The following TENM4 variants were observed in gnomAD, a reference collection of about 807,000 sequenced individuals.
The protein encoded by TENM4 is teneurin transmembrane protein 4, also known as teneurin-4.
Under a neutral mutation model 243.3 loss-of-function variants are expected in TENM4, and 82 were observed. The observed-to-expected ratio is 0.34, with a 90% CI of 0.28 to 0.40. The LOEUF (loss-of-function observed/expected upper bound fraction) is 0.40. Ranked by LOEUF, TENM4 falls within the 10% of genes least tolerant of loss-of-function variation. TENM4 has a pLI of 1.00. For missense variants in TENM4, 3,138 were observed against 3,673.3 expected (o/e 0.85, Z 3.77); for synonymous variants, 1,412 against 1,456.3 (o/e 0.97, Z 0.69).
intron 1 of TENM4, among the ~76,000 whole-genome samples, chr11:79,332,586 A>G (rs547872341): frequency 1.3e-5 from 2 of 152,014 alleles, no homozygotes; most frequent in South Asian, 4.2e-4. Context: ...GCTCTTTGCA[A>G]CCTCACAGTT....
intron 1 of TENM4, among the ~76,000 whole-genome samples, chr11:79,383,210 C>T (rs1029308359): frequency 9.9e-5 from 15 of 152,198 alleles, no homozygotes; most frequent in African/African-American, 3.6e-4. Context: ...AGAGCCTTGC[C>T]TCCGCCTTGC....
At chr11:79,138,075 T>A (rs2137182536) in intron 4 of TENM4, among the ~76,000 whole-genome samples, 1 of 151,730 alleles carries the variant, frequency 6.6e-6, no homozygotes, top group South Asian at 2.1e-4. Context: ...GTGGGCACAA[T>A]CTAATCAGTT....
At chr11:78,750,943 G>C (rs1332475642) in intron 19 of TENM4, among the ~76,000 whole-genome samples, 1 of 151,972 alleles carries the variant, frequency 6.6e-6, no homozygotes, top group African/African-American at 2.4e-5. Flanking sequence ...GCAATGGAGT[G>C]ATCTCTGCTC....
intron 6 of TENM4, among the ~76,000 whole-genome samples, chr11:78,928,637 CTT>C (rs1403487913): frequency 6.6e-6 from 1 of 152,220 alleles, no homozygotes; most frequent in Non-Finnish European, 1.5e-5. Context: ...AGCTGTGTGA[CTT>C]TGTACATATT....
Position 79,084,411 on chromosome 11 carries a change from C to T in TENM4, c.-65-14402G>A, listed in dbSNP as rs76408838. On this transcript the variant is annotated intron_variant, in intron 4 of 33. Coordinates refer to ENST00000278550, the MANE Select transcript of TENM4 (RefSeq NM_001098816.3). ...AAAAGCTTATGTTCATGCAAAAAGC[C>T]GTACAATGATGTTCATAAAAGCTTT... 1.6e-3 allele frequency among the ~76,000 whole-genome samples: 241 copies of T among 152,218 alleles called. 1 individual carries two copies. The highest frequency in any genetic ancestry group is 4.4e-3 in the African/African-American group (183 of 41,532).
intron 6 of TENM4, among the ~76,000 whole-genome samples, chr11:78,926,361 C>G (rs1217409693): frequency 6.6e-6 from 1 of 150,550 alleles, no homozygotes; most frequent in Non-Finnish European, 1.5e-5. Flanking sequence ...ACTGTCTCTG[C>G]CTCCCGGGTT....
intron 15 of TENM4, among the ~76,000 whole-genome samples, chr11:78,800,940 A>C (rs770588474): frequency 6.6e-5 from 10 of 152,134 alleles, no homozygotes; most frequent in Non-Finnish European, 1.0e-4. Context: ...TGGAAATGGT[A>C]ATACTAGTAA....
At chr11:78,896,267 T>G (rs933715794) in intron 7 of TENM4, among the ~76,000 whole-genome samples, 1 of 152,066 alleles carries the variant, frequency 6.6e-6, no homozygotes, top group African/African-American at 2.4e-5. Context: ...CACCCCATAT[T>G]CTGTAGCTGA....
intron 7 of TENM4, among the ~76,000 whole-genome samples, chr11:78,896,690 T>G (rs1481506717): frequency 6.6e-6 from 1 of 152,014 alleles, no homozygotes; most frequent in Non-Finnish European, 1.5e-5. Flanking sequence ...CCCTGCAAAC[T>G]CCTACCAATT....
intron 1 of TENM4, among the ~76,000 whole-genome samples, chr11:79,301,012 G>T (rs893397270): frequency 6.6e-6 from 1 of 152,004 alleles, no homozygotes; most frequent in African/African-American, 2.4e-5. Context: ...ACCTTGATTT[G>T]GCTCCTTTCC....
At chr11:79,192,100 G>T (rs1244921351) in intron 3 of TENM4, among the ~76,000 whole-genome samples, 1 of 149,830 alleles carries the variant, frequency 6.7e-6, no homozygotes, top group African/African-American at 2.5e-5. Flanking sequence ...GTGGGGGGGG[G>T]TCAGCCCCCC....
intron 4 of TENM4, among the ~76,000 whole-genome samples, chr11:79,110,155 C>A (rs1861471513): frequency 6.6e-6 from 1 of 152,214 alleles, no homozygotes; most frequent in African/African-American, 2.4e-5. Context: ...CTTTGTGCAA[C>A]TCCATCATCA....
intron 4 of TENM4, among the ~76,000 whole-genome samples, chr11:79,138,152 C>T (rs1312261779): frequency 6.6e-6 from 1 of 150,666 alleles, no homozygotes; most frequent in Non-Finnish European, 1.5e-5. Context: ...GTCTCCCAGC[C>T]TACATCTTTC....
At position 78,653,698 on chromosome 11, in the gene TENM4, T is replaced by C. The variant is rs1857824790; in HGVS notation, c.*4360A>G. 6.6e-6 allele frequency: 1 copy of C among 152,268 alleles called. No individual in the cohort carries two copies. Among genetic ancestry groups the C allele is most frequent in the Non-Finnish European group, 1.5e-5 (1 of 68,060 alleles). 9.4% of individuals were successfully genotyped at this position (152,268 alleles called of 1,614,324 possible). A position where few individuals can be genotyped will look rare whatever the true frequency, so the allele number is the denominator to read the frequency against. Reference sequence around the variant, plus strand: ...CTCCTGCCAGGACGGCCGAGCGTGCTCCAGACTAGTCCTCCCTTGGCTGTT... The same window carrying C: ...CTCCTGCCAGGACGGCCGAGCGTGCCCCAGACTAGTCCTCCCTTGGCTGTT... On this transcript the variant is annotated 3_prime_UTR_variant, in exon 34 of 34. Transcript: ENST00000278550.
At chr11:79,373,108 AG>A (rs1196888959) in intron 1 of TENM4, among the ~76,000 whole-genome samples, 1 of 152,224 alleles carries the variant, frequency 6.6e-6, no homozygotes, top group African/African-American at 2.4e-5. Context: ...GTAAAGAAAA[AG>A]AATCTTGTCT....
chr11:79,012,452 T>C (rs953101508), intron 6 of TENM4, among the ~76,000 whole-genome samples: 5 of 152,128 alleles, frequency 3.3e-5, no homozygotes, highest in African/African-American at 7.2e-5. Flanking sequence ...GTTCCCTCAT[T>C]TGATCTTTGT....
At chr11:78,878,693 T>C (rs986902516) in intron 9 of TENM4, among the ~76,000 whole-genome samples, 2 of 152,206 alleles carry the variant, frequency 1.3e-5, no homozygotes, top group Non-Finnish European at 2.9e-5. Flanking sequence ...GATACCTGGA[T>C]GGGAGCCCTG....
At chr11:78,918,228 C>T (rs1856365353) in intron 6 of TENM4, among the ~76,000 whole-genome samples, 1 of 152,132 alleles carries the variant, frequency 6.6e-6, no homozygotes, top group Admixed American at 6.6e-5. Context: ...GTGCTGTGGT[C>T]CTCGTCAATG....
At chr11:79,401,951 G>A in intron 1 of TENM4, 1 of 306,664 alleles carries the variant, frequency 3.3e-6, no homozygotes, top group East Asian at 8.7e-5. Context: ...GGTGGTGGTT[G>A]ACGCCATGGG....
Sources: allele counts gnomAD v4.1 joint callset (sites outside exome capture counted in the v4.1 genomes callset), GRCh38; gene constraint gnomAD v4.1.1; transcripts MANE v1.5; gene names NCBI Gene and HGNC (gene_info 2026-07-23, HGNC 2026-07-21).